Variants in MAGED1 observed in about 807,000 individuals in gnomAD.
MAGED1 encodes the protein melanoma-associated antigen D1.
In MAGED1, 3 loss-of-function variants were observed where a neutral mutation model predicts 54.1. The observed-to-expected ratio is 0.06, with a 90% CI of 0.03 to 0.14. The LOEUF is 0.14. Among genes scored for constraint, MAGED1 ranks in the 10% least tolerant of loss-of-function variants. The pLI, the probability that MAGED1 is intolerant of heterozygous loss-of-function variation, is 1.00. For synonymous variants in MAGED1, 217 were observed against 227.3 expected (o/e 0.95, Z 0.41); for missense variants, 485 against 623.4 (o/e 0.78, Z 2.36).
intron 1 of MAGED1, among the ~76,000 whole-genome samples, chrX:51,883,309 C>T (rs1458322638): frequency 2.7e-5 from 3 of 111,288 alleles, no homozygotes; most frequent in Non-Finnish European, 5.7e-5. Flanking sequence ...CCAACAGTAA[C>T]AATGATACCT....
At chrX:51,807,659 C>T (rs782647423) in intron 1 of MAGED1, among the ~76,000 whole-genome samples, 29 of 111,000 alleles carry the variant, frequency 2.6e-4, no homozygotes, top group African/African-American at 9.5e-4. Context: ...TTCAGTCAAC[C>T]CCAAACCACT....
intron 1 of MAGED1, among the ~76,000 whole-genome samples, chrX:51,827,638 C>T (rs782641770): frequency 9.1e-4 from 101 of 111,518 alleles, no homozygotes; most frequent in African/African-American, 3.0e-3. Flanking sequence ...TGTGCATATA[C>T]GGGAGCAGAG....
At chrX:51,849,888 A>C (rs1926822974) in intron 1 of MAGED1, among the ~76,000 whole-genome samples, 1 of 111,021 alleles carries the variant, frequency 9.0e-6, no homozygotes, top group Non-Finnish European at 1.9e-5. Context: ...ATACCGCCAG[A>C]ATTTGATGTC....
chrX:51,812,655 A>G (rs1280665998), intron 1 of MAGED1, among the ~76,000 whole-genome samples: 2 of 111,944 alleles, frequency 1.8e-5, no homozygotes, highest in African/African-American at 6.5e-5. Flanking sequence ...GTATTCATTC[A>G]TCAGATTGTA....
At chrX:51,816,864 T>C (rs1925450709) in intron 1 of MAGED1, among the ~76,000 whole-genome samples, 1 of 111,814 alleles carries the variant, frequency 8.9e-6, no homozygotes, top group East Asian at 2.8e-4. Context: ...AGGGTGCTGA[T>C]TGGTGTTGAA....
chrX:51,826,209 T>G (rs1925845788), intron 1 of MAGED1, among the ~76,000 whole-genome samples: 1 of 112,326 alleles, frequency 8.9e-6, no homozygotes, highest in Admixed American at 9.4e-5. Context: ...TTGACCAGTT[T>G]TATTAGATGT....
In MAGED1 at chrX:51,898,466, A is replaced by G. The variant is rs377571264; in HGVS notation, c.1782-115A>G. On this transcript the variant is annotated intron_variant, in intron 9 of 12. Transcript: ENST00000326587. Reference sequence around the variant, plus strand: ...GAGCCCAAAGATGTGACCTGGGTGGATGGGGAAACAGTTCTGAACTCTCTG... The same window carrying G: ...GAGCCCAAAGATGTGACCTGGGTGGGTGGGGAAACAGTTCTGAACTCTCTG... 3.1e-3 allele frequency: 3,015 copies of G among 962,738 alleles called. 49 individuals carry two copies. The South Asian group carries it at 0.066, about 21-fold the overall frequency. 79.3% of individuals were successfully genotyped at this position (962,738 alleles called of 1,213,427 possible).
intron 1 of MAGED1, among the ~76,000 whole-genome samples, chrX:51,848,312 G>A (rs1284535154): frequency 9.0e-6 from 1 of 110,970 alleles, no homozygotes; most frequent in Non-Finnish European, 1.9e-5. Context: ...TCTAGTCTGC[G>A]GCCTGTCTTT....
At chrX:51,882,379 AAAG>A (rs1557362559) in intron 1 of MAGED1, among the ~76,000 whole-genome samples, 2 of 111,736 alleles carry the variant, frequency 1.8e-5, no homozygotes, top group Non-Finnish European at 1.9e-5. Context: ...CTACTTCCAG[AAAG>A]AAGTAGTAAA....
chrX:51,886,812 T>C (rs1441863468), intron 1 of MAGED1, among the ~76,000 whole-genome samples: 1 of 111,239 alleles, frequency 9.0e-6, no homozygotes, highest in Non-Finnish European at 1.9e-5. Flanking sequence ...CCCAGCACTT[T>C]GGGAGGCTGA....
chrX:51,833,884 A>G (rs1243710255), intron 1 of MAGED1, among the ~76,000 whole-genome samples: 1 of 111,497 alleles, frequency 9.0e-6, no homozygotes, highest in Non-Finnish European at 1.9e-5. Context: ...TGAACCCCCA[A>G]TCACATCCTA....
chrX:51,878,875 C>T (rs1927961722), intron 1 of MAGED1, among the ~76,000 whole-genome samples: 1 of 111,169 alleles, frequency 9.0e-6, no homozygotes, highest in Non-Finnish European at 1.9e-5. Flanking sequence ...TTTGGAGGCT[C>T]AGTGTATATT....
At chrX:51,841,866 G>A (rs1163231825) in intron 1 of MAGED1, among the ~76,000 whole-genome samples, 1 of 111,882 alleles carries the variant, frequency 8.9e-6, no homozygotes, top group Non-Finnish European at 1.9e-5. Flanking sequence ...AAGTCAGGTA[G>A]CGTGATGCCT....
At chrX:51,860,389 A>G (rs1173509921) in intron 1 of MAGED1, among the ~76,000 whole-genome samples, 1 of 112,018 alleles carries the variant, frequency 8.9e-6, no homozygotes, top group East Asian at 2.8e-4. Flanking sequence ...TGGGAATGAA[A>G]TGAGAATACC....
intron 1 of MAGED1, among the ~76,000 whole-genome samples, chrX:51,846,780 C>T (rs1926702915): frequency 9.0e-6 from 1 of 110,916 alleles, no homozygotes; most frequent in Non-Finnish European, 1.9e-5. Flanking sequence ...AACTCATTCA[C>T]TCATTATCAC....
At chrX:51,840,885 C>T (rs1256000846) in intron 1 of MAGED1, among the ~76,000 whole-genome samples, 4 of 110,690 alleles carry the variant, frequency 3.6e-5, no homozygotes, top group African/African-American at 1.3e-4. Flanking sequence ...AATAGTGCTG[C>T]AATAAACATA....
intron 1 of MAGED1, among the ~76,000 whole-genome samples, chrX:51,828,315 A>G (rs967907490): frequency 3.4e-4 from 38 of 111,831 alleles, no homozygotes; most frequent in African/African-American, 1.2e-3. Flanking sequence ...ACTTACTTAT[A>G]TGCTACAGTC....
chrX:51,886,882 C>T (rs1557362860), intron 1 of MAGED1, among the ~76,000 whole-genome samples: 2 of 110,030 alleles, frequency 1.8e-5, no homozygotes, highest in African/African-American at 6.6e-5. Flanking sequence ...ATAGGGAGAC[C>T]ACATCTCTAC....
In MAGED1 at chrX:51,901,927, G is replaced by C. The variant is rs782541624; in HGVS notation, c.2334G>C (p.Glu778Asp). 8.3e-7 allele frequency: 1 copy of C among 1,202,901 alleles called. No homozygotes were observed. Among genetic ancestry groups the C allele is most frequent in the Non-Finnish European group, 1.1e-6 (1 of 891,328 alleles). ...GTGCCATTGGTTTCTTCTGGGTTGA[G>C]TGAGATGTTGGGTAGGTACATCACT... ...NFGAIGFFWV[E>D] The change falls in exon 12 of 13, where the codon GAG (glutamate) becomes GAC (aspartate). Residue 778 changes from glutamate (E) to aspartate (D), a missense_variant. Glu to Asp is a conservative substitution (Grantham distance 45, BLOSUM62 2). Around this residue, in one of 2 missense-constraint regions of MAGED1, gnomAD observed 186 missense variants for 330.3 expected, o/e 0.56. Transcript: ENST00000326587.
Sources: gnomAD v4.1 joint callset for allele counts (sites outside exome capture counted in the v4.1 genomes callset) on GRCh38, gnomAD v4.1.1 for gene constraint, gnomAD v4.1.1 regional missense constraint, MANE v1.5 for transcripts, NCBI Gene and HGNC (gene_info 2026-07-23, HGNC 2026-07-21) for gene names.